CLCN5: variants seen among roughly 807,000 people sequenced by gnomAD.
CLCN5 encodes H(+)/Cl(-) exchange transporter 5.
CLCN5 carries 17 observed loss-of-function variants against 54.0 expected under a neutral mutation model. The ratio of observed to expected loss-of-function variants is 0.31; its 90% CI spans 0.22 to 0.47. CLCN5 has a LOEUF of 0.47. Ranked by LOEUF, CLCN5 falls within the 20% of genes least tolerant of loss-of-function variation. The pLI, the probability that CLCN5 is intolerant of heterozygous loss-of-function variation, is 1.00. For missense variants in CLCN5, 448 were observed against 646.7 expected (o/e 0.69, Z 3.33); for synonymous variants, 222 against 233.0 (o/e 0.95, Z 0.43).
chrX:50,004,403 C>T (rs1480336347), intron 3 of CLCN5, among the ~76,000 whole-genome samples: 1 of 110,781 alleles, frequency 9.0e-6, no homozygotes, highest in Non-Finnish European at 1.9e-5. Context: ...GGGGTAGTTA[C>T]AGCATAGATG....
chrX:50,026,060 C>T (rs1208550538), intron 3 of CLCN5, among the ~76,000 whole-genome samples: 6 of 112,046 alleles, frequency 5.4e-5, no homozygotes, highest in Non-Finnish European at 1.1e-4. Flanking sequence ...CTGCATCCCA[C>T]AAATTTTGAT....
At chrX:49,987,120 A>G (rs1326276286) in intron 3 of CLCN5, among the ~76,000 whole-genome samples, 1 of 112,688 alleles carries the variant, frequency 8.9e-6, no homozygotes, top group Non-Finnish European at 1.9e-5. Context: ...ATTAGCTTAT[A>G]TTGCCCAACA....
chrX:49,989,447 C>G (rs782391377), intron 3 of CLCN5, among the ~76,000 whole-genome samples: 1 of 112,117 alleles, frequency 8.9e-6, no homozygotes, highest in African/African-American at 3.3e-5. Flanking sequence ...TCCCTTGATA[C>G]ATATTCGTTA....
At chrX:49,958,446 C>T (rs995796909) in intron 3 of CLCN5, among the ~76,000 whole-genome samples, 12 of 111,652 alleles carry the variant, frequency 1.1e-4, no homozygotes, top group African/African-American at 3.9e-4. Flanking sequence ...AAAAACACTT[C>T]GTTCCATTAC....
intron 12 of CLCN5, among the ~76,000 whole-genome samples, chrX:50,089,626 C>T (rs1934014975): frequency 8.9e-6 from 1 of 112,279 alleles, no homozygotes; most frequent in African/African-American, 3.2e-5. Context: ...TAGCTCACAC[C>T]TGTAATCCTA....
intron 12 of CLCN5, among the ~76,000 whole-genome samples, chrX:50,089,889 AAAAG>A (rs1934027989): frequency 9.0e-6 from 1 of 111,616 alleles, no homozygotes. Flanking sequence ...CCGTCTCAAA[AAAAG>A]AAAGAGAGAG....
rs782412774 is a variant in CLCN5 at position 50,086,406 on chromosome X, A to G, written c.1093A>G (p.Ile365Val). The G allele has an allele frequency of 8.3e-7, 1 of 1,211,017 alleles. No homozygotes were observed. The highest frequency in any genetic ancestry group is 1.1e-6 in the Non-Finnish European group (1 of 895,105). The change falls in exon 11 of 15, where the codon ATC becomes GTC. Residue 365 changes from isoleucine (I) to valine (V), a missense_variant. This residue lies in a region of CLCN5 where 297 missense variants were observed against 470.4 expected (regional missense o/e 0.63). Coordinates refer to ENST00000376091, the MANE Select transcript of CLCN5 (RefSeq NM_001127898.4). ...ALVAAFTLRS[I>V]NPFGNSRLVL... ...GGTGGCAGCATTCACTCTACGCTCC[A>G]TCAATCCATTTGGGAACAGCCGCCT... is the stretch of plus-strand genomic sequence containing the variant.
At chrX:49,976,836 G>T (rs782506200) in intron 3 of CLCN5, among the ~76,000 whole-genome samples, 2 of 111,311 alleles carry the variant, frequency 1.8e-5, no homozygotes, top group Non-Finnish European at 3.8e-5. Context: ...TGATCCCATT[G>T]TAAGTTTGTT....
intron 3 of CLCN5, among the ~76,000 whole-genome samples, chrX:50,029,899 G>A (rs1043027691): frequency 2.4e-4 from 27 of 112,086 alleles, no homozygotes; most frequent in African/African-American, 8.4e-4. Context: ...ATACCCAAAG[G>A]ATTATAAATC....
At chrX:50,089,588 A>G (rs1934013847) in intron 12 of CLCN5, among the ~76,000 whole-genome samples, 1 of 112,463 alleles carries the variant, frequency 8.9e-6, no homozygotes. Flanking sequence ...GAACAAAGAA[A>G]CAAGAAGGCA....
At chrX:50,010,435 G>A in intron 3 of CLCN5, among the ~76,000 whole-genome samples, 1 of 110,419 alleles carries the variant, frequency 9.1e-6, no homozygotes, top group Admixed American at 9.7e-5. Context: ...TAGAGATGGG[G>A]TCTCACTATG....
chrX:50,026,473 G>A (rs1200481376), intron 3 of CLCN5, among the ~76,000 whole-genome samples: 1 of 111,510 alleles, frequency 9.0e-6, no homozygotes, highest in African/African-American at 3.3e-5. Context: ...GGGTGGTGAA[G>A]TCTCCAACTA....
intron 3 of CLCN5, among the ~76,000 whole-genome samples, chrX:49,969,163 C>T (rs782595486): frequency 5.4e-5 from 6 of 110,391 alleles, no homozygotes; most frequent in East Asian, 5.7e-4. Flanking sequence ...CTGCAACCTC[C>T]GCCTCCCAGG....
intron 3 of CLCN5, among the ~76,000 whole-genome samples, chrX:50,019,462 T>A (rs1930961499): frequency 1.1e-5 from 1 of 91,193 alleles, no homozygotes; most frequent in Non-Finnish European, 2.1e-5. Flanking sequence ...CTTACTTTTT[T>A]TTTTTCTTTT....
intron 3 of CLCN5, among the ~76,000 whole-genome samples, chrX:49,985,854 T>G (rs1263591353): frequency 8.9e-6 from 1 of 111,780 alleles, no homozygotes; most frequent in South Asian, 3.7e-4. Context: ...TTTTTATAAC[T>G]AGAGTCAGAT....
intron 3 of CLCN5, among the ~76,000 whole-genome samples, chrX:49,936,485 G>C (rs916545009): frequency 2.7e-5 from 3 of 112,093 alleles, no homozygotes; most frequent in African/African-American, 9.7e-5. Context: ...AGCATTCTTT[G>C]AATTTGCGTT....
intron 3 of CLCN5, among the ~76,000 whole-genome samples, chrX:50,031,019 C>T (rs781784294): frequency 3.6e-5 from 4 of 111,849 alleles, no homozygotes; most frequent in Admixed American, 9.5e-5. Flanking sequence ...CAGGGTGCTT[C>T]TCTACACTTC....
At chrX:49,936,243 T>G (rs1350540781) in intron 3 of CLCN5, among the ~76,000 whole-genome samples, 2 of 111,983 alleles carry the variant, frequency 1.8e-5, no homozygotes, top group African/African-American at 3.2e-5. Context: ...AACATGCTGA[T>G]GTACTGTGTT....
At position 50,071,246 on chromosome X, in the gene CLCN5, A is replaced by C. The variant is rs782378212; in HGVS notation, c.315+1216A>C. ...TGAGAAATTCCTTCTTAATCCATGG[A>C]TATTTGGTGATTCCACCGAGTTTTC... On this transcript the variant is annotated intron_variant, in intron 5 of 14. Coordinates refer to ENST00000376091, the MANE Select transcript of CLCN5 (RefSeq NM_001127898.4). Among the ~76,000 whole-genome samples the C allele has an allele frequency of 3.6e-5, 4 of 111,609 alleles. No individual in the cohort carries two copies. The South Asian group carries it at 1.5e-3, about 43-fold the overall frequency.
Sources: allele counts gnomAD v4.1 joint callset (sites outside exome capture counted in the v4.1 genomes callset), GRCh38; gene constraint gnomAD v4.1.1; regional missense constraint gnomAD v4.1.1; transcripts MANE v1.5; gene names NCBI Gene and HGNC (gene_info 2026-07-23, HGNC 2026-07-21).